ADK: variants seen among roughly 807,000 people sequenced by gnomAD.
ADK encodes the protein N6,N6-dimethyladenosine kinase.
In ADK, 24 loss-of-function variants were observed where a neutral mutation model predicts 44.7. The observed-to-expected ratio is 0.54, with a 90% CI of 0.39 to 0.76. The LOEUF is 0.76. ADK is among the 30% of genes least tolerant of loss of function. ADK has a pLI of 0.00. For synonymous variants in ADK, 128 were observed against 142.6 expected, an observed-to-expected ratio of 0.90 and a Z score of 0.73; for missense variants, 321 against 425.1, an observed-to-expected ratio of 0.76 and a Z score of 2.15.
chr10:74,571,899 C>G (rs193263469), intron 7 of ADK, among the ~76,000 whole-genome samples: 48 of 152,266 alleles, frequency 3.2e-4, no homozygotes, highest in African/African-American at 1.1e-3. Flanking sequence ...ATGTGTGTCT[C>G]TGCACGTGAG....
At chr10:74,408,583 G>A (rs1018351085) in intron 6 of ADK, among the ~76,000 whole-genome samples, 4 of 152,034 alleles carry the variant, frequency 2.6e-5, no homozygotes, top group Admixed American at 6.5e-5. Flanking sequence ...TGACCCCTTC[G>A]AAAATCCACA....
intron 4 of ADK, among the ~76,000 whole-genome samples, chr10:74,356,002 A>ATATTTTTTTTTTT (rs57958159): frequency 1.2e-5 from 1 of 83,312 alleles, no homozygotes; most frequent in African/African-American, 5.1e-5. Context: ...TAAATAATTC[A>ATATTTTTTTTTTT]TTTTTTTTTT....
chr10:74,297,178 T>C (rs1839847817), intron 3 of ADK, among the ~76,000 whole-genome samples: 1 of 152,234 alleles, frequency 6.6e-6, no homozygotes, highest in Non-Finnish European at 1.5e-5. Flanking sequence ...TGTGTGTGCA[T>C]AGTAAGTTTC....
intron 1 of ADK, among the ~76,000 whole-genome samples, chr10:74,160,940 A>G (rs1841880973): frequency 6.6e-6 from 1 of 152,126 alleles, no homozygotes; most frequent in Admixed American, 6.6e-5. Context: ...TCCCCTTCCA[A>G]AAAACCCGAC....
At chr10:74,542,791 C>A (rs1849683795) in intron 7 of ADK, among the ~76,000 whole-genome samples, 2 of 152,014 alleles carry the variant, frequency 1.3e-5, no homozygotes, top group Admixed American at 1.3e-4. Context: ...ATAGATAGAT[C>A]CTCTTTGAAC....
intron 7 of ADK, among the ~76,000 whole-genome samples, chr10:74,561,256 C>T (rs893895143): frequency 1.3e-5 from 2 of 152,184 alleles, no homozygotes; most frequent in African/African-American, 4.8e-5. Flanking sequence ...CCAGTTACTC[C>T]TTCTTGTTAA....
intron 4 of ADK, among the ~76,000 whole-genome samples, chr10:74,379,312 A>G (rs748268309): frequency 3.9e-5 from 6 of 152,176 alleles, no homozygotes; most frequent in Non-Finnish European, 7.3e-5. Context: ...GAAATCTGGA[A>G]ATAGTTTGAG....
intron 9 of ADK, among the ~76,000 whole-genome samples, chr10:74,628,805 G>A (rs1225316881): frequency 6.6e-6 from 1 of 152,086 alleles, no homozygotes; most frequent in African/African-American, 2.4e-5. Flanking sequence ...GTCAGGAACT[G>A]GCAAGCACTA....
intron 2 of ADK, among the ~76,000 whole-genome samples, chr10:74,215,137 G>GA (rs1420924731): frequency 6.6e-6 from 1 of 151,940 alleles, no homozygotes. Context: ...ATTTAGGGCA[G>GA]AAAAAAATGT....
intron 3 of ADK, among the ~76,000 whole-genome samples, chr10:74,241,425 G>T (rs1401037028): frequency 1.3e-5 from 2 of 152,102 alleles, no homozygotes; most frequent in East Asian, 3.9e-4. Flanking sequence ...TCTCTCTGTT[G>T]CCCAGGCTGG....
chr10:74,174,612 A>G (rs1591807330), intron 1 of ADK: 1 of 152,254 alleles, frequency 6.6e-6, no homozygotes, highest in African/African-American at 2.4e-5. Flanking sequence ...ATTTTCCACA[A>G]GAGAAGGTGG....
intron 9 of ADK, among the ~76,000 whole-genome samples, chr10:74,608,685 C>T (rs1309888783): frequency 6.6e-6 from 1 of 152,132 alleles, no homozygotes; most frequent in Non-Finnish European, 1.5e-5. Context: ...TGGGAGGCAT[C>T]TCCCAGTCAG....
At chr10:74,156,676 A>G (rs1405026410) in intron 1 of ADK, among the ~76,000 whole-genome samples, 1 of 152,212 alleles carries the variant, frequency 6.6e-6, no homozygotes, top group Non-Finnish European at 1.5e-5. Flanking sequence ...GGATCCCAGT[A>G]GAGCAGTGGT....
chr10:74,322,706 T>G (rs1217020902), intron 4 of ADK, among the ~76,000 whole-genome samples: 2 of 151,850 alleles, frequency 1.3e-5, no homozygotes, highest in African/African-American at 4.8e-5. Flanking sequence ...CTTTTCTCCC[T>G]CTCTCCTTTC....
intron 3 of ADK, among the ~76,000 whole-genome samples, chr10:74,255,558 G>C (rs12360119): frequency 0.5 from 76,474 of 151,960 alleles, 20,319 homozygotes; most frequent in Non-Finnish European, 0.59. Flanking sequence ...GATGACAACA[G>C]CTCCACTAAC....
intron 4 of ADK, among the ~76,000 whole-genome samples, chr10:74,363,020 G>A (rs776526909): frequency 6.6e-6 from 1 of 152,196 alleles, no homozygotes; most frequent in Admixed American, 6.5e-5. Context: ...GAGACTGTGC[G>A]TCTTTGGAAT....
At chr10:74,534,020 ATACTG>A (rs1402673368) in intron 7 of ADK, among the ~76,000 whole-genome samples, 1 of 152,230 alleles carries the variant, frequency 6.6e-6, no homozygotes, top group East Asian at 1.9e-4. Flanking sequence ...TGAGTGTAAG[ATACTG>A]TAAAGTACAT....
chr10:74,679,759 C>T (rs536261068), intron 10 of ADK, among the ~76,000 whole-genome samples: 44 of 151,196 alleles, frequency 2.9e-4, no homozygotes, highest in African/African-American at 8.7e-4. Flanking sequence ...GTCAGGAGTT[C>T]GAGACCAGCC....
At chr10:74,194,383 A>G (rs1387780033) in intron 1 of ADK, among the ~76,000 whole-genome samples, 1 of 152,190 alleles carries the variant, frequency 6.6e-6, no homozygotes, top group Admixed American at 6.5e-5. Flanking sequence ...TGAAATTGGC[A>G]TACATCTTAC....
Sources: allele counts gnomAD v4.1 joint callset (sites outside exome capture counted in the v4.1 genomes callset), GRCh38; gene constraint gnomAD v4.1.1; transcripts MANE v1.5; gene names NCBI Gene and HGNC (gene_info 2026-07-23, HGNC 2026-07-21).